EEIG2: variants seen among roughly 807,000 people sequenced by gnomAD.
EEIG2 encodes the protein EEIG family member 2.
At chr1:108,561,555 T>C in the EEIG2 span, among the ~76,000 whole-genome samples, 1 of 152,002 alleles carries the variant, frequency 6.6e-6, no homozygotes, top group African/African-American at 2.4e-5. Context: ...ATAATGTCAC[T>C]GGATTGTGGA....
chr1:108,586,274 A>G, the EEIG2 span, among the ~76,000 whole-genome samples: 2 of 151,922 alleles, frequency 1.3e-5, no homozygotes, highest in East Asian at 1.9e-4. Flanking sequence ...CTTTTGAGCA[A>G]TGTCTTGAAT....
At chr1:108,610,350 C>T in the EEIG2 span, among the ~76,000 whole-genome samples, 1 of 152,084 alleles carries the variant, frequency 6.6e-6, no homozygotes, top group South Asian at 2.1e-4. Flanking sequence ...CATGTGGGCA[C>T]AGATGCAGGT....
the EEIG2 span, among the ~76,000 whole-genome samples, chr1:108,572,623 T>C: frequency 6.6e-6 from 1 of 152,188 alleles, no homozygotes; most frequent in African/African-American, 2.4e-5. Context: ...TTTTATTTTA[T>C]TTTATTTCTT....
the EEIG2 span, among the ~76,000 whole-genome samples, chr1:108,596,986 C>T: frequency 2.0e-5 from 3 of 152,170 alleles, no homozygotes; most frequent in African/African-American, 7.2e-5. Flanking sequence ...ACCAGCCTCT[C>T]AAAGTGCTGG....
the EEIG2 span, among the ~76,000 whole-genome samples, chr1:108,564,867 A>G: frequency 6.6e-6 from 1 of 152,040 alleles, no homozygotes; most frequent in Non-Finnish European, 1.5e-5. Context: ...GGATCGCTTG[A>G]ACCCGGGAGG....
chr1:108,598,657 A>C, the EEIG2 span, among the ~76,000 whole-genome samples: 9 of 152,174 alleles, frequency 5.9e-5, no homozygotes, highest in African/African-American at 2.2e-4. Flanking sequence ...AAAATGGCCA[A>C]AGTTATCATA....
At chr1:108,560,267 G>GCGGCAGCGGCCC in the EEIG2 span, 6 of 264,934 alleles carry the variant, frequency 2.3e-5, no homozygotes, top group Non-Finnish European at 2.9e-5. Flanking sequence ...GCGAGAGGCG[G>GCGGCAGCGGCCC]CGGCAGCGGC....
the EEIG2 span, among the ~76,000 whole-genome samples, chr1:108,589,666 A>G: frequency 4.0e-5 from 6 of 150,738 alleles, no homozygotes; most frequent in Admixed American, 4.0e-4. Flanking sequence ...CTAAGTGTTC[A>G]TGTTCCTTGG....
At chr1:108,624,591 A>C in the EEIG2 span, 1 of 1,496,976 alleles carries the variant, frequency 6.7e-7, no homozygotes, top group East Asian at 2.3e-5. Context: ...ATCAATAACT[A>C]TTGTAAACTT....
chr1:108,631,208 A>T, the EEIG2 span: 1 of 320,324 alleles, frequency 3.1e-6, no homozygotes, highest in South Asian at 2.5e-5. Context: ...CCCAGCTCTT[A>T]CCCTCTGCTG....
the EEIG2 span, among the ~76,000 whole-genome samples, chr1:108,602,797 C>G: frequency 1.3e-5 from 2 of 151,994 alleles, no homozygotes; most frequent in African/African-American, 4.8e-5. Flanking sequence ...AGAGGACCAC[C>G]TGAGCCCAGA....
the EEIG2 span, chr1:108,629,802 C>G: frequency 4.4e-6 from 3 of 689,300 alleles, no homozygotes; most frequent in South Asian, 1.6e-5. Flanking sequence ...AGTTACAGCT[C>G]TTAGTGTAGC....
At chr1:108,571,940 T>A in the EEIG2 span, among the ~76,000 whole-genome samples, 1 of 152,128 alleles carries the variant, frequency 6.6e-6, no homozygotes, top group Non-Finnish European at 1.5e-5. Context: ...TTACCTTCCT[T>A]CTCCTTCTCT....
the EEIG2 span, chr1:108,639,171 C>T: frequency 6.7e-6 from 1 of 150,090 alleles, no homozygotes; most frequent in Non-Finnish European, 1.5e-5. Flanking sequence ...GAATGACCTT[C>T]ATATTTATAT....
At chr1:108,634,884 G>A in the EEIG2 span, among the ~76,000 whole-genome samples, 1 of 152,176 alleles carries the variant, frequency 6.6e-6, no homozygotes, top group South Asian at 2.1e-4. Flanking sequence ...ATAGATTATT[G>A]TGGGAATAAG....
At chr1:108,600,814 C>G in the EEIG2 span, 440 of 845,966 alleles carry the variant, frequency 5.2e-4, no homozygotes, top group African/African-American at 6.6e-3. Context: ...ACTTCATGCT[C>G]GCTGCAGTAA....
At chr1:108,628,723 G>C in the EEIG2 span, 1 of 1,613,330 alleles carries the variant, frequency 6.2e-7, no homozygotes. Context: ...GAAGCGAGTT[G>C]ATGACACCAG....
chr1:108,585,996 T>C, the EEIG2 span, among the ~76,000 whole-genome samples: 1 of 152,166 alleles, frequency 6.6e-6, no homozygotes, highest in South Asian at 2.1e-4. Flanking sequence ...TCTGATATTA[T>C]AGAGTTCCTT....
At chr1:108,568,847 C>G in the EEIG2 span, among the ~76,000 whole-genome samples, 2 of 152,190 alleles carry the variant, frequency 1.3e-5, no homozygotes, top group African/African-American at 4.8e-5. Flanking sequence ...CTTGTGCTCA[C>G]AGTCCATTGA....
Sources: allele counts gnomAD v4.1 joint callset (sites outside exome capture counted in the v4.1 genomes callset), GRCh38; gene constraint gnomAD v4.1.1; transcripts MANE v1.5; gene names NCBI Gene and HGNC (gene_info 2026-07-23, HGNC 2026-07-21).